The following PCDHGA8 variants were observed in gnomAD, a reference collection of about 807,000 sequenced individuals.
PCDHGA8 encodes the protein protocadherin gamma-A8.
Under a neutral mutation model 59.2 loss-of-function variants are expected in PCDHGA8, and 45 were observed. The observed-to-expected ratio is 0.76, with a 90% CI of 0.60 to 0.98. PCDHGA8 has a LOEUF of 0.98. PCDHGA8 is among the 50% of genes least tolerant of loss of function. The probability of loss-of-function intolerance (pLI) is 0.00; values close to 1 mark genes in which losing one functional copy is unlikely to be tolerated. For synonymous variants in PCDHGA8, 531 were observed against 519.0 expected (o/e 1.02, Z -0.32); for missense variants, 1,257 against 1,196.2 (o/e 1.05, Z -0.75).
chr5:141,400,068 G>A (rs2093954953), intron 1 of PCDHGA8: 1 of 1,613,706 alleles, frequency 6.2e-7, no homozygotes, highest in African/African-American at 1.3e-5. Flanking sequence ...ATGGTGGACA[G>A]CCGCCACTCT....
At chr5:141,449,933 G>A (rs1012332454) in intron 1 of PCDHGA8, among the ~76,000 whole-genome samples, 1 of 149,752 alleles carries the variant, frequency 6.7e-6, no homozygotes, top group African/African-American at 2.5e-5. Flanking sequence ...ATACCTTATA[G>A]TATATTTTAC....
rs142995927 is a variant in PCDHGA8, at chr5:141,489,933, C to T, written c.2425-4874C>T. 38 of 1,614,064 alleles carry T rather than the reference C, an allele frequency of 2.4e-5. No homozygotes were observed. The highest frequency in any genetic ancestry group is 1.8e-4 in the South Asian group (16 of 91,084). On this transcript the variant is annotated intron_variant, in intron 1 of 3. Transcript: ENST00000398604. This position sits in a 1 kb window ranked among gnomAD's most constrained non-coding sequence, Gnocchi z 4.5. ...CAGGGACCACCCTTATCTCTGTCAT[C>T]GTGCTGGACATCAATGATAATGCTC...
chr5:141,460,505 A>T (rs1430823912), intron 1 of PCDHGA8, among the ~76,000 whole-genome samples: 1 of 152,150 alleles, frequency 6.6e-6, no homozygotes, highest in Non-Finnish European at 1.5e-5. Context: ...ATATGCTGAG[A>T]AGGCTATCTT....
Position 141,432,538 on chromosome 5 carries a change from G to T in PCDHGA8, c.2424+37301G>T, listed in dbSNP as rs200601557. 1 of 1,613,908 alleles carries T rather than the reference G, an allele frequency of 6.2e-7. No individual in the cohort carries two copies. Among genetic ancestry groups the T allele is most frequent in the African/African-American group, 1.3e-5 (1 of 74,936 alleles). Reference sequence around the variant, plus strand: ...GCTACCTGGTGACCAAGGTGGTGGCGGTGGACAGAGACTCCGGCCAGAACG... The same window carrying T: ...GCTACCTGGTGACCAAGGTGGTGGCTGTGGACAGAGACTCCGGCCAGAACG... On this transcript the variant is annotated intron_variant, in intron 1 of 3. Coordinates refer to ENST00000398604, the MANE Select transcript of PCDHGA8 (RefSeq NM_032088.2). This position sits in a 1 kb window ranked among gnomAD's most constrained non-coding sequence, Gnocchi z 6.0.
intron 2 of PCDHGA8, among the ~76,000 whole-genome samples, chr5:141,502,947 G>A (rs933409229): frequency 3.0e-4 from 45 of 151,030 alleles, no homozygotes; most frequent in Admixed American, 1.8e-3. Context: ...GGGTTCAAGC[G>A]ATTCTCCTGC....
chr5:141,450,900 C>T (rs907024071), intron 1 of PCDHGA8, among the ~76,000 whole-genome samples: 9 of 151,048 alleles, frequency 6.0e-5, no homozygotes, highest in Non-Finnish European at 1.2e-4. Flanking sequence ...TATCGGCTCA[C>T]TGCAACCGCT....
chr5:141,485,964 T>A lies in PCDHGA8; in HGVS notation c.2425-8843T>A. 1 of 1,614,162 alleles carries A rather than the reference T, an allele frequency of 6.2e-7. No homozygotes were observed. The highest frequency in any genetic ancestry group is 8.5e-7 in the Non-Finnish European group (1 of 1,180,000). On this transcript the variant is annotated intron_variant, in intron 1 of 3. Transcript: ENST00000398604. The surrounding 1 kb of genome is among the most constrained non-coding windows in gnomAD (Gnocchi z 5.7). ...CCAGCGGGCATGGTGCTCATCCAGC[T>A]CAATGCCTCAGACCCGGACCTGGGT...
intron 1 of PCDHGA8, among the ~76,000 whole-genome samples, chr5:141,481,676 G>A (rs975849679): frequency 3.3e-5 from 5 of 152,028 alleles, no homozygotes; most frequent in Admixed American, 1.3e-4. Flanking sequence ...AAATCAGGCC[G>A]GGCCTGGTGG....
rs755308269 is a variant in PCDHGA8 at position 141,393,134 on chromosome 5, C to T, written c.321C>T (p.Asn107=). The T allele has an allele frequency of 1.2e-6, 2 of 1,613,390 alleles. No homozygotes were observed. Among genetic ancestry groups the T allele is most frequent in the South Asian group, 2.2e-5 (2 of 91,084 alleles). ...AQSPRCLINI[N]TLVEDKGKLF... is the part of the protein sequence containing the mutation. ...GCCCGCGGTGTCTGATAAATATTAA[C>T]ACCCTGGTTGAGGATAAAGGAAAAC... The change falls in exon 1 of 4, where the codon AAC becomes AAT. Residue 107 remains asparagine, a synonymous_variant. Coordinates refer to ENST00000398604, the MANE Select transcript of PCDHGA8 (RefSeq NM_032088.2).
In PCDHGA8 at chr5:141,402,880, A is replaced by T; in HGVS notation, c.2424+7643A>T. The T allele has an allele frequency of 1.4e-6, 2 of 1,474,944 alleles. 1 individual carries two copies. The highest frequency in any genetic ancestry group is 2.9e-5 in the South Asian group (2 of 68,686). 91.4% of individuals were successfully genotyped at this position (1,474,944 alleles called of 1,614,324 possible). On this transcript the variant is annotated intron_variant, in intron 1 of 3. Coordinates refer to ENST00000398604, the MANE Select transcript of PCDHGA8 (RefSeq NM_032088.2). ...TAAGGAAAAGATCACCATACTTTGCAGGGTGGAAGAAAGAACCTGATGAAG... is the reference window on the plus strand; with the variant it reads ...TAAGGAAAAGATCACCATACTTTGCTGGGTGGAAGAAAGAACCTGATGAAG...
intron 3 of PCDHGA8, among the ~76,000 whole-genome samples, chr5:141,508,528 C>T (rs2099869454): frequency 6.6e-6 from 1 of 152,186 alleles, no homozygotes; most frequent in Admixed American, 6.5e-5. Context: ...AACCTCAGGG[C>T]ACCCCCCACG....
intron 1 of PCDHGA8, among the ~76,000 whole-genome samples, chr5:141,464,748 T>A (rs995568259): frequency 2.0e-5 from 3 of 152,190 alleles, no homozygotes; most frequent in Admixed American, 2.0e-4. Flanking sequence ...TATCTTTTTG[T>A]TTTTTTAGAG....
In PCDHGA8 at chr5:141,407,146, T is replaced by C. The variant is rs142297912; in HGVS notation, c.2424+11909T>C. On this transcript the variant is annotated intron_variant, in intron 1 of 3. Transcript: ENST00000398604. ...TGCTTTATTTTTAAGAAAAAAAAGC[T>C]GAAGTGTCTGGGAATCCTTTATGAC... 2.0e-5 allele frequency among the ~76,000 whole-genome samples: 3 copies of C among 152,354 alleles called. No individual in the cohort carries two copies. The East Asian group carries it at 5.8e-4, about 29-fold the overall frequency.
rs199507728 is a variant in PCDHGA8, at chr5:141,422,807, G to A, written c.2424+27570G>A. On this transcript the variant is annotated intron_variant, in intron 1 of 3. Coordinates refer to ENST00000398604, the MANE Select transcript of PCDHGA8 (RefSeq NM_032088.2). ...CAATCCTTCGACTATGAGCAGTTTC[G>A]AGACTTAGAACTGAGAGTGATAGCA... 1.9e-3 allele frequency: 3,146 copies of A among 1,614,198 alleles called. 36 individuals are homozygous for A. The highest frequency in any genetic ancestry group is 0.018 in the South Asian group (1,680 of 91,084).
intron 1 of PCDHGA8, among the ~76,000 whole-genome samples, chr5:141,465,911 A>G (rs540115471): frequency 6.6e-6 from 1 of 152,260 alleles, no homozygotes; most frequent in East Asian, 1.9e-4. Context: ...TCACGAGGTC[A>G]GGATTTCGAG....
At chr5:141,423,119 G>T (rs769320490) in intron 1 of PCDHGA8, 2 of 1,613,774 alleles carry the variant, frequency 1.2e-6, no homozygotes, top group Non-Finnish European at 1.7e-6. Context: ...CGTACAGCGC[G>T]GGCACTGCTG....
At chr5:141,450,080 C>G (rs140080701) in intron 1 of PCDHGA8, among the ~76,000 whole-genome samples, 6,313 of 144,358 alleles carry the variant, frequency 0.044, 398 homozygotes, top group Admixed American at 0.19. Context: ...GATCTTGGCT[C>G]ACTGCAACCT....
In PCDHGA8 at chr5:141,485,609, G is replaced by A. The variant is rs1432367043; in HGVS notation, c.2425-9198G>A. The A allele has an allele frequency of 6.2e-7, 1 of 1,612,252 alleles. No homozygotes were observed. Among genetic ancestry groups the A allele is most frequent in the Non-Finnish European group, 8.5e-7 (1 of 1,178,656 alleles). On this transcript the variant is annotated intron_variant, in intron 1 of 3. Transcript: ENST00000398604. This position sits in a 1 kb window ranked among gnomAD's most constrained non-coding sequence, Gnocchi z 5.7. ...GCTGGACTTGGAAATTGGGGAGGCA[G>A]CTCCTCCAGGACAGCGTTTCCCGTT...
chr5:141,406,257 C>T (rs1180988990), intron 1 of PCDHGA8, among the ~76,000 whole-genome samples: 1 of 151,898 alleles, frequency 6.6e-6, no homozygotes, highest in African/African-American at 2.4e-5. Context: ...TGGTCTCAAA[C>T]GATCTTCCTG....
Sources: gnomAD v4.1 joint callset for allele counts (sites outside exome capture counted in the v4.1 genomes callset) on GRCh38, gnomAD v4.1.1 for gene constraint, Gnocchi (gnomAD v3.1) non-coding constraint, MANE v1.5 for transcripts, NCBI Gene and HGNC (gene_info 2026-07-23, HGNC 2026-07-21) for gene names.